Variants in TAGLN3 observed in about 807,000 individuals in gnomAD.
TAGLN3 encodes the protein transgelin-3.
TAGLN3 carries 12 observed loss-of-function variants against 25.4 expected under a neutral mutation model. That is an observed-to-expected ratio of 0.47 (90% CI 0.30 to 0.77). The LOEUF is 0.77. Ranked by LOEUF, TAGLN3 falls within the 30% of genes least tolerant of loss-of-function variation. The pLI is 0.06. For synonymous variants in TAGLN3, 96 were observed against 94.8 expected (o/e 1.01, Z -0.08); for missense variants, 218 against 255.8 (o/e 0.85, Z 1.01).
chr3:112,008,498 C>T (rs924349919), intron 3 of TAGLN3, among the ~76,000 whole-genome samples: 2 of 152,196 alleles, frequency 1.3e-5, no homozygotes, highest in East Asian at 1.9e-4. Context: ...TTTTATACTT[C>T]GTGCACATCA....
At chr3:112,007,514 C>A (rs1380800460) in intron 3 of TAGLN3, among the ~76,000 whole-genome samples, 1 of 152,162 alleles carries the variant, frequency 6.6e-6, no homozygotes, top group Non-Finnish European at 1.5e-5. Context: ...TTTTCAGATT[C>A]CACCAGCTCT....
chr3:112,013,314 T>G (rs1341857727), intron 4 of TAGLN3, 96 bp from the exon 5 acceptor site: 1 of 1,480,932 alleles, frequency 6.8e-7, no homozygotes, highest in African/African-American at 1.4e-5. Context: ...GCTGATCTAT[T>G]TGGGGACCCC....
intron 2 of TAGLN3, 141 bp from the exon 3 acceptor site, chr3:112,000,631 A>T (rs1349653773): frequency 2.4e-6 from 2 of 836,368 alleles, no homozygotes; most frequent in Non-Finnish European, 3.8e-6. Context: ...CACAGCCCAG[A>T]GCCCGTGCCT....
intron 3 of TAGLN3, among the ~76,000 whole-genome samples, chr3:112,009,547 G>T (rs1481162900): frequency 6.6e-6 from 1 of 152,222 alleles, no homozygotes; most frequent in Non-Finnish European, 1.5e-5. Flanking sequence ...TGGCATGGTG[G>T]ATTGTTCAAG....
chr3:111,999,299 C>G, intron 1 of TAGLN3, 122 bp from the exon 2 acceptor site: 2 of 1,139,326 alleles, frequency 1.8e-6, no homozygotes, highest in Non-Finnish European at 2.4e-6. Flanking sequence ...GCCCGGCTTT[C>G]TGCCCTCTTT....
chr3:112,008,838 A>C (rs1399945109), intron 3 of TAGLN3, among the ~76,000 whole-genome samples: 1 of 152,180 alleles, frequency 6.6e-6, no homozygotes, highest in Non-Finnish European at 1.5e-5. Flanking sequence ...GTACTAGTCC[A>C]TTTTTGTTGC....
intron 3 of TAGLN3, among the ~76,000 whole-genome samples, chr3:112,010,645 G>A (rs1233872854): frequency 1.3e-5 from 2 of 152,040 alleles, no homozygotes; most frequent in African/African-American, 4.8e-5. Flanking sequence ...CTTGAGTCTG[G>A]GGGACTATCC....
intron 4 of TAGLN3, among the ~76,000 whole-genome samples, chr3:112,013,167 A>G (rs2072997284): frequency 2.0e-5 from 3 of 152,158 alleles, no homozygotes; most frequent in South Asian, 4.1e-4. Context: ...CTCATGCATC[A>G]TGGTAGGGCC....
rs780913089 is a variant in TAGLN3 at position 111,999,473 on chromosome 3, G to A, written c.51G>A (p.Lys17=). 1.4e-5 allele frequency: 22 copies of A among 1,614,130 alleles called. No individual in the cohort carries two copies. The highest frequency in any genetic ancestry group is 4.2e-6 in the Non-Finnish European group (5 of 1,180,052). ...SYGLSREVQE[K]IEQKYDADLE... is the part of the protein sequence containing the mutation. ...GCTTAAGCCGAGAGGTGCAGGAGAAGATCGAGCAGAAGTATGATGCGGACC... is the reference window on the plus strand; with the variant it reads ...GCTTAAGCCGAGAGGTGCAGGAGAAAATCGAGCAGAAGTATGATGCGGACC... Residue 17 remains lysine, a synonymous_variant, in exon 2 of 5, where the codon AAG becomes AAA. Transcript: ENST00000478951.
chr3:112,012,778 T>C (rs1410395989), intron 4 of TAGLN3, among the ~76,000 whole-genome samples: 1 of 152,220 alleles, frequency 6.6e-6, no homozygotes, highest in Non-Finnish European at 1.5e-5. Flanking sequence ...ACTATCTGGC[T>C]CTTTACCAAA....
At chr3:112,010,956 C>A (rs1376907688) in intron 3 of TAGLN3, among the ~76,000 whole-genome samples, 1 of 152,224 alleles carries the variant, frequency 6.6e-6, no homozygotes. Flanking sequence ...TTCACCAGGT[C>A]TAAAGAGAGC....
At chr3:112,001,379 T>G (rs1461663708) in intron 3 of TAGLN3, among the ~76,000 whole-genome samples, 3 of 152,206 alleles carry the variant, frequency 2.0e-5, no homozygotes, top group Non-Finnish European at 2.9e-5. Context: ...ACTCCAACCT[T>G]TTGTTAAACC....
intron 3 of TAGLN3, among the ~76,000 whole-genome samples, chr3:112,011,249 G>T (rs1251366016): frequency 6.6e-6 from 1 of 152,156 alleles, no homozygotes; most frequent in African/African-American, 2.4e-5. Context: ...AGGTAACAGG[G>T]CTCCCCATCC....
intron 3 of TAGLN3, among the ~76,000 whole-genome samples, chr3:112,010,444 A>T (rs1445969368): frequency 9.2e-5 from 14 of 152,244 alleles, no homozygotes; most frequent in Admixed American, 9.2e-4. Flanking sequence ...GAACCTTCAG[A>T]ATATCATTAC....
rs1415758658 is a variant in TAGLN3 at position 112,013,640 on chromosome 3, C to G, written c.*89C>G. On this transcript the variant is annotated 3_prime_UTR_variant, in exon 5 of 5. Transcript: ENST00000478951. ...AAATAGTTAGTCACCTTCTGACCTT[C>G]TCCTCTTTCTCAAAGCCTTCTGTCC... 6.4e-7 allele frequency: 1 copy of G among 1,573,210 alleles called. No homozygotes were observed. Among genetic ancestry groups the G allele is most frequent in the South Asian group, 1.1e-5 (1 of 87,082 alleles).
chr3:112,008,695 A>T (rs1221798786), intron 3 of TAGLN3, among the ~76,000 whole-genome samples: 3 of 152,170 alleles, frequency 2.0e-5, no homozygotes, highest in African/African-American at 7.2e-5. Flanking sequence ...CCATCTTGTC[A>T]GTCCAAGAGT....
At chr3:112,012,411 C>T (rs780721935) in intron 4 of TAGLN3, among the ~76,000 whole-genome samples, 6 of 151,910 alleles carry the variant, frequency 3.9e-5, no homozygotes, top group Non-Finnish European at 8.8e-5. Flanking sequence ...TAATAGAACT[C>T]TCTTTCACTC....
chr3:112,012,652 A>G (rs1047263356), intron 4 of TAGLN3, among the ~76,000 whole-genome samples: 1 of 151,978 alleles, frequency 6.6e-6, no homozygotes, highest in Non-Finnish European at 1.5e-5. Context: ...ATGTCATTTT[A>G]AAGAACACTC....
intron 2 of TAGLN3, among the ~76,000 whole-genome samples, chr3:112,000,289 C>A (rs1200489550): frequency 1.3e-5 from 2 of 152,112 alleles, no homozygotes; most frequent in Non-Finnish European, 2.9e-5. Flanking sequence ...GTACCACATC[C>A]ACTTCTTTTA....
Sources: gnomAD v4.1 joint callset for allele counts (sites outside exome capture counted in the v4.1 genomes callset) on GRCh38, gnomAD v4.1.1 for gene constraint, MANE v1.5 for transcripts, NCBI Gene and HGNC (gene_info 2026-07-23, HGNC 2026-07-21) for gene names.